Variants in HDAC9 observed in about 807,000 individuals in gnomAD.
HDAC9 encodes MEF-2 interacting transcription repressor (MITR) protein.
In HDAC9, 41 loss-of-function variants were observed where a neutral mutation model predicts 139.4. That is an observed-to-expected ratio of 0.29 (90% CI 0.23 to 0.38). The LOEUF (loss-of-function observed/expected upper bound fraction) is 0.38, where lower values mean the gene tolerates loss of function less well. Ranked by LOEUF, HDAC9 falls within the 10% of genes least tolerant of loss-of-function variation. The pLI is 1.00. For missense variants in HDAC9, 1,147 were observed against 1,297.0 expected (o/e 0.88, Z 1.78); for synonymous variants, 517 against 476.2 (o/e 1.09, Z -1.12).
At chr7:18,116,270 GAA>G (rs1562636352) in intron 1 of HDAC9, among the ~76,000 whole-genome samples, 1 of 152,124 alleles carries the variant, frequency 6.6e-6, no homozygotes, top group Non-Finnish European at 1.5e-5. Context: ...TCCAGAATGA[GAA>G]ATTGGACACA....
intron 2 of HDAC9, among the ~76,000 whole-genome samples, chr7:18,225,506 G>A (rs545034794): frequency 6.6e-6 from 1 of 152,168 alleles, no homozygotes; most frequent in African/African-American, 2.4e-5. Flanking sequence ...TTATGCAGTA[G>A]CATCATAATT....
At chr7:18,639,518 CCTT>C (rs1224677965) in intron 8 of HDAC9, among the ~76,000 whole-genome samples, 42 of 151,872 alleles carry the variant, frequency 2.8e-4, no homozygotes, top group Non-Finnish European at 3.8e-4. Context: ...TATAGTAACA[CCTT>C]CTTTGGTGTC....
At chr7:18,549,155 T>C (rs1422395347) in intron 2 of HDAC9, among the ~76,000 whole-genome samples, 1 of 152,132 alleles carries the variant, frequency 6.6e-6, no homozygotes, top group African/African-American at 2.4e-5. Context: ...GGAGAATCGC[T>C]TGGACCTGGG....
At chr7:18,751,389 A>T (rs894869302) in intron 14 of HDAC9, among the ~76,000 whole-genome samples, 6 of 152,140 alleles carry the variant, frequency 3.9e-5, no homozygotes, top group African/African-American at 1.2e-4. Flanking sequence ...AAAACATGGC[A>T]ACAATGCAAA....
intron 1 of HDAC9, chr7:18,327,383 C>T (rs975816284): frequency 2.0e-5 from 3 of 151,852 alleles, no homozygotes. Context: ...GTAATAATCA[C>T]ATTTTCAGTA....
intron 13 of HDAC9, among the ~76,000 whole-genome samples, chr7:18,745,572 G>C (rs1486772478): frequency 4.7e-5 from 6 of 128,734 alleles, no homozygotes; most frequent in South Asian, 2.4e-4. Flanking sequence ...CGGAGTCTCG[G>C]TCTGTCGCCC....
intron 25 of HDAC9, 111 bp from the exon 26 acceptor site, chr7:18,995,912 C>A: frequency 2.7e-6 from 2 of 739,038 alleles, no homozygotes; most frequent in Non-Finnish European, 4.5e-6. Flanking sequence ...AACTGAATAA[C>A]ACAAATAAAC....
chr7:18,910,678 G>A (rs1802662532), intron 22 of HDAC9, among the ~76,000 whole-genome samples: 1 of 151,792 alleles, frequency 6.6e-6, no homozygotes. Flanking sequence ...TTGGCTGCGG[G>A]TTCAAATGCT....
chr7:18,912,852 G>T (rs1264867701), intron 22 of HDAC9, among the ~76,000 whole-genome samples: 1 of 152,036 alleles, frequency 6.6e-6, no homozygotes, highest in African/African-American at 2.4e-5. Flanking sequence ...CTTACAGAAG[G>T]TTTGAGAGGT....
At position 18,834,857 on chromosome 7, in the gene HDAC9, G is replaced by A. The variant is rs1796121363; in HGVS notation, c.2467-610G>A. Among the ~76,000 whole-genome samples, 4 of 152,324 alleles carry A rather than the reference G, an allele frequency of 2.6e-5. No homozygotes were observed. In the South Asian group the frequency reaches 8.3e-4, roughly 32 times the overall value. On this transcript the variant is annotated intron_variant, in intron 19 of 25. Transcript: ENST00000686413. ...TCAAGAAAGCCAATTTATTCAGCTG[G>A]TTGCAAAGCCTTTGACCTTAATGGT...
intron 2 of HDAC9, among the ~76,000 whole-genome samples, chr7:18,236,333 A>G (rs1441359365): frequency 6.6e-6 from 1 of 152,186 alleles, no homozygotes; most frequent in East Asian, 1.9e-4. Context: ...GAAGAGCCCT[A>G]TATCATCCCC....
At chr7:18,122,089 G>A (rs758225924) in intron 1 of HDAC9, among the ~76,000 whole-genome samples, 3 of 152,164 alleles carry the variant, frequency 2.0e-5, no homozygotes, top group Non-Finnish European at 4.4e-5. Flanking sequence ...ACAAGTAACA[G>A]TAATTATAGT....
chr7:18,267,988 T>C (rs556409196), intron 2 of HDAC9, among the ~76,000 whole-genome samples: 2 of 152,260 alleles, frequency 1.3e-5, no homozygotes, highest in African/African-American at 4.8e-5. Flanking sequence ...TTTCTTTACA[T>C]AGTACTTGAT....
chr7:18,692,158 C>A (rs1584853840), intron 12 of HDAC9, among the ~76,000 whole-genome samples: 1 of 152,056 alleles, frequency 6.6e-6, no homozygotes, highest in Admixed American at 6.6e-5. Context: ...CATTACTCTT[C>A]TTAAGAATAC....
intron 1 of HDAC9, among the ~76,000 whole-genome samples, chr7:18,424,377 T>C (rs990745723): frequency 2.0e-5 from 3 of 152,226 alleles, no homozygotes; most frequent in African/African-American, 7.2e-5. Flanking sequence ...AAAATAATTA[T>C]ACCTACTTCA....
At chr7:18,489,759 T>G (rs148163829) in intron 1 of HDAC9, among the ~76,000 whole-genome samples, 70 of 152,218 alleles carry the variant, frequency 4.6e-4, no homozygotes, top group African/African-American at 1.5e-3. Context: ...AAAAGACTAT[T>G]AAGTTTTCCT....
chr7:18,577,782 GC>G (rs1158910262), intron 2 of HDAC9, among the ~76,000 whole-genome samples: 1 of 152,084 alleles, frequency 6.6e-6, no homozygotes, highest in African/African-American at 2.4e-5. Flanking sequence ...CAGTGGTTTA[GC>G]CCCCCAAAAA....
intron 16 of HDAC9, among the ~76,000 whole-genome samples, chr7:18,782,314 A>C (rs1791312181): frequency 6.6e-6 from 1 of 152,134 alleles, no homozygotes; most frequent in African/African-American, 2.4e-5. Flanking sequence ...AACTCTGGGA[A>C]TATTTCCACC....
chr7:18,501,392 A>G (rs950240020), intron 2 of HDAC9, among the ~76,000 whole-genome samples: 1 of 152,014 alleles, frequency 6.6e-6, no homozygotes, highest in Non-Finnish European at 1.5e-5. Flanking sequence ...AGAAACACAT[A>G]CTTAAAAAAA....
Sources: allele counts gnomAD v4.1 joint callset (sites outside exome capture counted in the v4.1 genomes callset), GRCh38; gene constraint gnomAD v4.1.1; transcripts MANE v1.5; gene names NCBI Gene and HGNC (gene_info 2026-07-23, HGNC 2026-07-21).